Variants in NBEAL1 observed in about 807,000 individuals in gnomAD.
NBEAL1 encodes neurobeachin-like protein 1.
A neutral mutation model predicts 351.3 loss-of-function variants in NBEAL1; 273 were observed. The observed-to-expected ratio is 0.78, with a 90% CI of 0.70 to 0.86. The LOEUF (loss-of-function observed/expected upper bound fraction) is 0.86. Ranked by LOEUF, NBEAL1 falls within the 40% of genes least tolerant of loss-of-function variation. NBEAL1 has a pLI of 0.00. For synonymous variants in NBEAL1, 1,050 were observed against 1,086.4 expected, an observed-to-expected ratio of 0.97 and a Z score of 0.66; for missense variants, 2,961 against 3,201.3, an observed-to-expected ratio of 0.92 and a Z score of 1.81.
chr2:203,199,542 ATATT>A, intron 49 of NBEAL1, 95 bp downstream of exon 49: 2 of 623,926 alleles, frequency 3.2e-6, no homozygotes, highest in African/African-American at 3.9e-5. Context: ...TCTGAAAGAA[ATATT>A]TTTTTTTTTT....
chr2:203,130,176 A>T lies in NBEAL1; in HGVS notation c.3406-142A>T, dbSNP rs777337387. 253 of 830,004 alleles carry T rather than the reference A, an allele frequency of 3.0e-4. 2 individuals are homozygous for T. Among genetic ancestry groups the T allele is most frequent in the South Asian group, 9.6e-4 (41 of 42,906 alleles). 51.4% of individuals were successfully genotyped at this position (830,004 alleles called of 1,614,324 possible). A position where few individuals can be genotyped will look rare whatever the true frequency, so the allele number is the denominator to read the frequency against. ...GATTCTGTCTCAAAAGAATTTTTTT[A>T]AAAAGACATCATATCAGATATAGTG... On this transcript the variant is annotated intron_variant, in intron 24 of 55. Coordinates refer to ENST00000683969, the MANE Select transcript of NBEAL1 (RefSeq NM_001378026.1).
chr2:203,145,811 AAAAAAG>A, intron 33 of NBEAL1, among the ~76,000 whole-genome samples: 1 of 151,470 alleles, frequency 6.6e-6, no homozygotes, highest in Non-Finnish European at 1.5e-5. Context: ...AAAAAAAAAA[AAAAAAG>A]AAAGAAAAAC....
chr2:203,149,251 A>G (rs1410067962), intron 34 of NBEAL1, 103 bp downstream of exon 34: 11 of 757,268 alleles, frequency 1.5e-5, no homozygotes, highest in African/African-American at 7.0e-5. Flanking sequence ...TAAATGTTCA[A>G]TTCATAAAAG....
intron 44 of NBEAL1, among the ~76,000 whole-genome samples, chr2:203,183,723 C>A (rs2064803137): frequency 6.6e-6 from 1 of 152,024 alleles, no homozygotes; most frequent in South Asian, 2.1e-4. Flanking sequence ...TATTTCAAAT[C>A]TAATAAGGAT....
chr2:203,199,535 G>T (rs1422637588), intron 49 of NBEAL1, 88 bp downstream of exon 49: 1 of 606,774 alleles, frequency 1.6e-6, no homozygotes, highest in Non-Finnish European at 2.8e-6. Context: ...CATTTATTCT[G>T]AAAGAAATAT....
chr2:203,132,172 G>T (rs889718460), intron 26 of NBEAL1, 40 bp downstream of exon 26: 6 of 1,294,916 alleles, frequency 4.6e-6, no homozygotes, highest in East Asian at 5.4e-5. Context: ...TTTAAGAAAT[G>T]TTTTTTCCTG....
chr2:203,076,589 C>T (rs1354184146), intron 7 of NBEAL1, among the ~76,000 whole-genome samples: 10 of 109,214 alleles, frequency 9.2e-5, no homozygotes, highest in Admixed American at 3.5e-4. Context: ...GTACTATGTA[C>T]TTTTTTTTTT....
chr2:203,042,846 A>G (rs959569658), intron 3 of NBEAL1, among the ~76,000 whole-genome samples: 3 of 152,130 alleles, frequency 2.0e-5, no homozygotes, highest in African/African-American at 7.2e-5. Context: ...TCGGACTCCC[A>G]AAGTGCTGGG....
intron 19 of NBEAL1, among the ~76,000 whole-genome samples, chr2:203,123,507 A>G (rs531224956): frequency 5.3e-5 from 8 of 151,560 alleles, no homozygotes; most frequent in Non-Finnish European, 1.0e-4. Context: ...TGATTTTTGT[A>G]TTTTTTAGTA....
chr2:203,112,231 C>A, intron 16 of NBEAL1, 133 bp downstream of exon 16: 1 of 844,168 alleles, frequency 1.2e-6, no homozygotes, highest in Non-Finnish European at 1.7e-6. Context: ...TGTAGTAAGA[C>A]TCCACACATT....
At chr2:203,210,779 C>G (rs1246050810) in intron 53 of NBEAL1, among the ~76,000 whole-genome samples, 179 bp from the exon 54 acceptor site, 3 of 152,176 alleles carry the variant, frequency 2.0e-5, no homozygotes, top group Non-Finnish European at 4.4e-5. Context: ...ATTTACTTGG[C>G]AATCTGATTT....
intron 51 of NBEAL1, among the ~76,000 whole-genome samples, chr2:203,205,135 G>C (rs2065517792): frequency 1.3e-5 from 2 of 151,986 alleles, no homozygotes; most frequent in South Asian, 4.1e-4. Context: ...GGTTTCACTA[G>C]TTGTGTTTTT....
At position 203,097,651 on chromosome 2, in the gene NBEAL1, A is replaced by T. The variant is rs1336898095; in HGVS notation, c.1185+18A>T. 1 of 974,776 alleles carries T rather than the reference A, an allele frequency of 1.0e-6. No homozygotes were observed. The highest frequency in any genetic ancestry group is 1.2e-6 in the Non-Finnish European group (1 of 819,918). 60.4% of individuals were successfully genotyped at this position (974,776 alleles called of 1,614,324 possible). Reference sequence around the variant, plus strand: ...AGGACCAGGTATCTACAAAGCCTGCATCTTGTTTCAGCTGAAGTCCAAAAT... The same window carrying T: ...AGGACCAGGTATCTACAAAGCCTGCTTCTTGTTTCAGCTGAAGTCCAAAAT... On this transcript the variant is annotated intron_variant, in intron 11 of 55. Transcript: ENST00000683969.
At chr2:203,176,506 C>A (rs1382934137) in intron 42 of NBEAL1, among the ~76,000 whole-genome samples, 1 of 151,920 alleles carries the variant, frequency 6.6e-6, no homozygotes, top group African/African-American at 2.4e-5. Flanking sequence ...GGGTGGATCA[C>A]CTGAGGTCAG....
intron 2 of NBEAL1, among the ~76,000 whole-genome samples, chr2:203,038,500 C>A (rs2351525): frequency 0.3 from 44,506 of 148,202 alleles, 9,470 homozygotes; most frequent in East Asian, 0.53. Flanking sequence ...TTTGTATATT[C>A]CCTTTTGTGA....
intron 23 of NBEAL1, among the ~76,000 whole-genome samples, chr2:203,127,249 A>G (rs536735323): frequency 1.4e-4 from 21 of 152,356 alleles, no homozygotes; most frequent in Admixed American, 6.5e-4. Context: ...AATGTAAAAC[A>G]CTTAAAGTAT....
intron 36 of NBEAL1, among the ~76,000 whole-genome samples, chr2:203,161,652 T>C (rs1012787936): frequency 1.4e-5 from 2 of 146,172 alleles, no homozygotes; most frequent in Non-Finnish European, 3.0e-5. Flanking sequence ...AATAAATAAA[T>C]AAATAAATAA....
intron 6 of NBEAL1, chr2:203,061,871 T>C (rs552272378): frequency 3.6e-5 from 6 of 167,446 alleles, no homozygotes; most frequent in East Asian, 1.9e-4. Flanking sequence ...CTGGGGAAAA[T>C]AAAGTTTTCC....
intron 23 of NBEAL1, 79 bp downstream of exon 23, chr2:203,127,005 T>G: frequency 1.0e-6 from 1 of 990,392 alleles, no homozygotes; most frequent in Non-Finnish European, 1.5e-6. Flanking sequence ...GACTGTAGAC[T>G]TTCTCTTTAC....
Sources: allele counts gnomAD v4.1 joint callset (sites outside exome capture counted in the v4.1 genomes callset), GRCh38; gene constraint gnomAD v4.1.1; transcripts MANE v1.5; gene names NCBI Gene and HGNC (gene_info 2026-07-23, HGNC 2026-07-21).